The following TMEM40 variants were observed in gnomAD, a reference collection of about 807,000 sequenced individuals.
TMEM40 encodes the protein transmembrane protein 40.
In TMEM40, 34 loss-of-function variants were observed where a neutral mutation model predicts 40.8. The ratio of observed to expected loss-of-function variants is 0.83; its 90% CI spans 0.63 to 1.11. The LOEUF is 1.11. TMEM40 is among the 50% of genes least tolerant of loss of function. The pLI is 0.00. For missense variants in TMEM40, 296 were observed against 280.2 expected (o/e 1.06, Z -0.40); for synonymous variants, 106 against 107.0 (o/e 0.99, Z 0.06).
chr3:12,765,483 T>C (rs2061590030), intron 1 of TMEM40, among the ~76,000 whole-genome samples: 2 of 151,702 alleles, frequency 1.3e-5, no homozygotes, highest in Non-Finnish European at 1.5e-5. Flanking sequence ...AAACAAACCA[T>C]CGCTGGAGAT....
chr3:12,768,074 G>A (rs937938310), intron 1 of TMEM40, among the ~76,000 whole-genome samples: 6 of 152,234 alleles, frequency 3.9e-5, no homozygotes, highest in Middle Eastern at 3.4e-3. Context: ...TCTTAAAGGC[G>A]GCGTGTTCGG....
At chr3:12,743,875 A>G in intron 4 of TMEM40, 25 bp downstream of exon 4, 1 of 1,607,128 alleles carries the variant, frequency 6.2e-7, no homozygotes. Flanking sequence ...TGGGCAAAAG[A>G]AAAATGGTAA....
chr3:12,756,248 T>C (rs6783990), intron 1 of TMEM40, among the ~76,000 whole-genome samples: 2 of 152,006 alleles, frequency 1.3e-5, no homozygotes, highest in Admixed American at 1.3e-4. Context: ...CCACTACCAT[T>C]GGTGATTGAA....
At chr3:12,739,133 C>T (rs2061361888) in intron 5 of TMEM40, 1 of 153,058 alleles carries the variant, frequency 6.5e-6, no homozygotes, top group Non-Finnish European at 1.5e-5. Context: ...GGCCTGGCGA[C>T]AGAGCGATAC....
intron 7 of TMEM40, 82 bp downstream of exon 7, chr3:12,738,054 C>G: frequency 1.9e-6 from 3 of 1,553,754 alleles, no homozygotes; most frequent in Non-Finnish European, 2.6e-6. Flanking sequence ...ACTAACCCAC[C>G]CTCTCAGGCT....
rs113713407 is a variant in TMEM40 at position 12,750,675 on chromosome 3, T to C, written c.-8-835A>G. On this transcript the variant is annotated intron_variant, in intron 1 of 11. Coordinates refer to ENST00000314124, the MANE Select transcript of TMEM40 (RefSeq NM_018306.4). Reference sequence around the variant, plus strand: ...ATCACCCAGTCTAGTCTTGAACTCCTGGGTTAAGGCAATCCTCCCACCGCA... The same window carrying C: ...ATCACCCAGTCTAGTCTTGAACTCCCGGGTTAAGGCAATCCTCCCACCGCA... Among the ~76,000 whole-genome samples the C allele has an allele frequency of 2.4e-3, 358 of 152,320 alleles. 3 individuals carry two copies. Among genetic ancestry groups the C allele is most frequent in the African/African-American group, 8.1e-3 (337 of 41,572 alleles).
chr3:12,740,676 G>A (rs1362064846), intron 5 of TMEM40, among the ~76,000 whole-genome samples: 3 of 151,922 alleles, frequency 2.0e-5, no homozygotes, highest in African/African-American at 7.3e-5. Flanking sequence ...TGGGCCACAG[G>A]GTAAAACCCT....
rs113555034 is a variant in TMEM40 at position 12,749,306 on chromosome 3, G to A, written c.73+454C>T. 3.9e-5 allele frequency among the ~76,000 whole-genome samples: 6 copies of A among 152,294 alleles called. No homozygotes were observed. In the East Asian group the frequency reaches 7.7e-4, roughly 20 times the overall value. On this transcript the variant is annotated intron_variant, in intron 2 of 11. Transcript: ENST00000314124. ...CCCAAAGTGCTGGGATTACAGGCGT[G>A]AGCCGCCGCGCCCGGCCAGAAAAGG...
In TMEM40 at chr3:12,736,756, C is replaced by A; in HGVS notation, c.544+8G>T. On this transcript the variant is annotated splice_region_variant and intron_variant, in intron 9 of 11. Transcript: ENST00000314124. The stretch of plus-strand genomic sequence containing the variant: ...CCCTTGTGCATTCCCCAGGGCACCT[C>A]CCCTCACCTGCGTAATAGTGATAAC... The A allele has an allele frequency of 6.2e-7, 1 of 1,614,140 alleles. No individual in the cohort carries two copies. Among genetic ancestry groups the A allele is most frequent in the Non-Finnish European group, 8.5e-7 (1 of 1,180,034 alleles).
At chr3:12,754,805 A>C (rs998224402) in intron 1 of TMEM40, among the ~76,000 whole-genome samples, 1 of 152,192 alleles carries the variant, frequency 6.6e-6, no homozygotes, top group Non-Finnish European at 1.5e-5. Context: ...ACTGACCCCA[A>C]GTCTCTGCAG....
intron 6 of TMEM40, 144 bp from the exon 7 acceptor site, chr3:12,738,312 T>A: frequency 9.5e-7 from 1 of 1,047,752 alleles, no homozygotes; most frequent in Non-Finnish European, 1.4e-6. Flanking sequence ...TCTCTATTGA[T>A]GGCTGGTTGG....
Position 12,754,778 on chromosome 3 carries a change from C to T in TMEM40, c.-9+4413G>A, listed in dbSNP as rs1267456749. ...GCACTTGACCTAGGGATGAGCTCCA[C>T]ATGGATGGGCCTAGTCACTGACCCC... On this transcript the variant is annotated intron_variant, in intron 1 of 11. Transcript: ENST00000314124. Among the ~76,000 whole-genome samples, 8 of 152,118 alleles carry T rather than the reference C, an allele frequency of 5.3e-5. No individual in the cohort carries two copies. In the East Asian group the frequency reaches 1.2e-3, roughly 22 times the overall value.
Sources: gnomAD v4.1 joint callset for allele counts (sites outside exome capture counted in the v4.1 genomes callset) on GRCh38, gnomAD v4.1.1 for gene constraint, MANE v1.5 for transcripts, NCBI Gene and HGNC (gene_info 2026-07-23, HGNC 2026-07-21) for gene names.